CAMTA1: variants seen among roughly 807,000 people sequenced by gnomAD.
CAMTA1 encodes calmodulin-binding transcription activator 1.
Under a neutral mutation model 170.9 loss-of-function variants are expected in CAMTA1, and 27 were observed. The ratio of observed to expected loss-of-function variants is 0.16; its 90% CI spans 0.12 to 0.22. CAMTA1 has a LOEUF of 0.22. CAMTA1 is among the 10% of genes least tolerant of loss of function. CAMTA1 has a pLI of 1.00. For missense variants in CAMTA1, 1,619 were observed against 2,217.2 expected, an observed-to-expected ratio of 0.73 and a Z score of 5.42; for synonymous variants, 833 against 891.5, an observed-to-expected ratio of 0.93 and a Z score of 1.17.
At chr1:7,310,600 T>TC (rs1553129305) in intron 5 of CAMTA1, among the ~76,000 whole-genome samples, 2 of 54,550 alleles carry the variant, frequency 3.7e-5, no homozygotes, top group African/African-American at 1.1e-4. Context: ...TTTTCTTTTC[T>TC]TTTCTTTCTT....
chr1:6,951,626 G>C (rs1688501481), intron 3 of CAMTA1, among the ~76,000 whole-genome samples: 1 of 152,194 alleles, frequency 6.6e-6, no homozygotes, highest in Admixed American at 6.5e-5. Context: ...GGAGACCCCA[G>C]TCTCCTCCTG....
In CAMTA1 at chr1:7,097,115, C is replaced by A. The variant is rs149383376; in HGVS notation, c.302+5744C>A. 2.7e-3 allele frequency among the ~76,000 whole-genome samples: 413 copies of A among 152,300 alleles called. 3 individuals are homozygous for A. The highest frequency in any genetic ancestry group is 4.0e-3 in the Non-Finnish European group (270 of 68,028). The stretch of plus-strand genomic sequence containing the variant: ...CTTCCCCAAACTCACCAACTCAGGG[C>A]GAGCCCTCTTCCCTTCCTGCTCCCG... On this transcript the variant is annotated intron_variant, in intron 4 of 22. Coordinates refer to ENST00000303635, the MANE Select transcript of CAMTA1 (RefSeq NM_015215.4).
intron 16 of CAMTA1, among the ~76,000 whole-genome samples, chr1:7,742,426 T>C (rs546994243): frequency 6.6e-6 from 1 of 152,204 alleles, no homozygotes; most frequent in East Asian, 1.9e-4. Flanking sequence ...TGTATGTAGT[T>C]AATACACATA....
intron 4 of CAMTA1, among the ~76,000 whole-genome samples, chr1:7,237,581 G>A (rs886602418): frequency 1.3e-5 from 2 of 152,094 alleles, no homozygotes; most frequent in Non-Finnish European, 1.5e-5. Context: ...CCTAGTCTTC[G>A]ATTCAATCCC....
rs1056553378 is a variant in CAMTA1, at chr1:7,064,254, C to T, written c.235-27050C>T. Among the ~76,000 whole-genome samples the T allele has an allele frequency of 2.0e-5, 3 of 151,820 alleles. No homozygotes were observed. Among genetic ancestry groups the T allele is most frequent in the Non-Finnish European group, 2.9e-5 (2 of 67,960 alleles). The stretch of plus-strand genomic sequence containing the variant: ...TCCTTCCTCTTGTTCTTGTTCTTTT[C>T]TTCCTCTTGTTCTCTCTCTCTCACT... On this transcript the variant is annotated intron_variant, in intron 3 of 22. Transcript: ENST00000303635. This position sits in a 1 kb window ranked among gnomAD's most constrained non-coding sequence, Gnocchi z 5.4.
At chr1:7,721,351 C>T (rs1330654948) in intron 11 of CAMTA1, among the ~76,000 whole-genome samples, 3 of 152,060 alleles carry the variant, frequency 2.0e-5, no homozygotes, top group East Asian at 1.9e-4. Flanking sequence ...CTTCCTCATC[C>T]GAAAATGAAG....
intron 3 of CAMTA1, among the ~76,000 whole-genome samples, chr1:7,048,098 AG>A (rs986542596): frequency 6.6e-6 from 1 of 151,570 alleles, no homozygotes; most frequent in Non-Finnish European, 1.5e-5. Flanking sequence ...AGGCGAGGGG[AG>A]GGGGGTGGTC....
rs1026868183 is a variant in CAMTA1, at chr1:7,642,033, C to T, written c.664+1480C>T. 6.6e-6 allele frequency among the ~76,000 whole-genome samples: 1 copy of T among 152,098 alleles called. No homozygotes were observed. The highest frequency in any genetic ancestry group is 1.5e-5 in the Non-Finnish European group (1 of 67,978). ...CACTCCCCAGAGCCTGCTGCCTCTC[C>T]ACCTGCCCCTCTCCCTGGCTCTGCC... On this transcript the variant is annotated intron_variant, in intron 7 of 22. Coordinates refer to ENST00000303635, the MANE Select transcript of CAMTA1 (RefSeq NM_015215.4). The surrounding 1 kb of genome is among the most constrained non-coding windows in gnomAD (Gnocchi z 6.3).
chr1:6,867,249 A>T (rs1224288741), intron 3 of CAMTA1, among the ~76,000 whole-genome samples: 2 of 151,768 alleles, frequency 1.3e-5, no homozygotes, highest in Non-Finnish European at 2.9e-5. Flanking sequence ...GAAAGCTTTG[A>T]TGTTTTTAGG....
At chr1:7,687,277 C>T (rs904065788) in intron 11 of CAMTA1, among the ~76,000 whole-genome samples, 1 of 151,420 alleles carries the variant, frequency 6.6e-6, no homozygotes, top group African/African-American at 2.4e-5. Flanking sequence ...GGGAAACCAG[C>T]AGGATGTGAC....
chr1:7,507,958 C>T (rs79993580), intron 6 of CAMTA1, among the ~76,000 whole-genome samples: 2,683 of 152,380 alleles, frequency 0.018, 36 homozygotes, highest in Non-Finnish European at 0.027. Flanking sequence ...GGCTTTGCCA[C>T]GTGGCTCCCA....
intron 3 of CAMTA1, among the ~76,000 whole-genome samples, chr1:6,938,812 A>T (rs913773106): frequency 6.6e-6 from 1 of 152,118 alleles, no homozygotes; most frequent in Non-Finnish European, 1.5e-5. Flanking sequence ...TAGACTGACC[A>T]GTATTATGGC....
rs185812502 is a variant in CAMTA1 at position 7,250,062 on chromosome 1, G to A, written c.438+436G>A. On this transcript the variant is annotated intron_variant, in intron 5 of 22. Coordinates refer to ENST00000303635, the MANE Select transcript of CAMTA1 (RefSeq NM_015215.4). ...AGAGCCTGGCTTCACCCCCTCCACC[G>A]ACAAACCCTGGGTGTGTCAGCCTTA... Among the ~76,000 whole-genome samples the A allele has an allele frequency of 3.5e-4, 54 of 152,228 alleles. No homozygotes were observed. In the East Asian group the frequency reaches 3.9e-3, roughly 11 times the overall value.
chr1:6,928,067 T>C (rs761955854), intron 3 of CAMTA1, among the ~76,000 whole-genome samples: 16 of 152,156 alleles, frequency 1.1e-4, no homozygotes, highest in Non-Finnish European at 1.8e-4. Flanking sequence ...TCCTCCTGCC[T>C]GGGGCATCAG....
chr1:7,699,289 TCCC>T (rs892397273), intron 11 of CAMTA1, among the ~76,000 whole-genome samples: 47 of 151,692 alleles, frequency 3.1e-4, no homozygotes, highest in African/African-American at 1.1e-3. Flanking sequence ...CCTCCTCAGC[TCCC>T]CCCCACCACC....
intron 4 of CAMTA1, among the ~76,000 whole-genome samples, chr1:7,105,951 A>T (rs1049047809): frequency 1.3e-5 from 2 of 148,664 alleles, no homozygotes; most frequent in Non-Finnish European, 1.5e-5. Flanking sequence ...AAAAAAAAAA[A>T]GGGTTTCCCC....
intron 6 of CAMTA1, among the ~76,000 whole-genome samples, chr1:7,600,253 G>A (rs1284620422): frequency 6.6e-6 from 1 of 152,162 alleles, no homozygotes; most frequent in African/African-American, 2.4e-5. Flanking sequence ...TTGTTGATTT[G>A]CGTATGTTGA....
intron 5 of CAMTA1, among the ~76,000 whole-genome samples, chr1:7,323,373 A>G (rs1028471650): frequency 1.3e-5 from 2 of 152,022 alleles, no homozygotes; most frequent in African/African-American, 2.4e-5. Context: ...TTGCTCCCCC[A>G]TGGCCTTCAG....
At chr1:7,632,531 T>G (rs1215395710) in intron 6 of CAMTA1, among the ~76,000 whole-genome samples, 1 of 152,258 alleles carries the variant, frequency 6.6e-6, no homozygotes, top group Non-Finnish European at 1.5e-5. Flanking sequence ...CAAACAGATG[T>G]TGCAGCTGCA....
Sources: gnomAD v4.1 joint callset for allele counts (sites outside exome capture counted in the v4.1 genomes callset) on GRCh38, gnomAD v4.1.1 for gene constraint, Gnocchi (gnomAD v3.1) non-coding constraint, MANE v1.5 for transcripts, NCBI Gene and HGNC (gene_info 2026-07-23, HGNC 2026-07-21) for gene names.